KCMF1: variants seen among roughly 807,000 people sequenced by gnomAD.
KCMF1 encodes potassium channel modulatory factor 1.
Under a neutral mutation model 41.1 loss-of-function variants are expected in KCMF1, and 3 were observed. That is an observed-to-expected ratio of 0.07 (90% CI 0.03 to 0.19). The LOEUF (loss-of-function observed/expected upper bound fraction) is 0.19, where lower values mean the gene tolerates loss of function less well. Ranked by LOEUF, KCMF1 falls within the 10% of genes least tolerant of loss-of-function variation. The pLI is 1.00. For synonymous variants in KCMF1, 142 were observed against 164.5 expected, an observed-to-expected ratio of 0.86 and a Z score of 1.04; for missense variants, 286 against 488.9, an observed-to-expected ratio of 0.58 and a Z score of 3.91.
intron 3 of KCMF1, among the ~76,000 whole-genome samples, chr2:85,036,217 G>A (rs188537654): frequency 6.6e-5 from 10 of 152,312 alleles, no homozygotes; most frequent in Admixed American, 2.0e-4. Context: ...GCCAAATTTT[G>A]CTGTCTTAAC....
At chr2:85,003,934 AT>A (rs1035025189) in intron 1 of KCMF1, among the ~76,000 whole-genome samples, 95 of 152,082 alleles carry the variant, frequency 6.2e-4, no homozygotes, top group Non-Finnish European at 2.6e-4. Context: ...GAGGGGGGAC[AT>A]TTTTCCAAGA....
chr2:85,035,089 G>A lies in KCMF1; in HGVS notation c.258G>A (p.Met86Ile), dbSNP rs368683265. The change falls in exon 3 of 7, where the codon ATG becomes ATA. Residue 86 changes from methionine to isoleucine, a missense_variant. Met to Ile is a conservative substitution (Grantham distance 10, BLOSUM62 1). Coordinates refer to ENST00000409785, the MANE Select transcript of KCMF1 (RefSeq NM_020122.5). The part of the protein sequence containing the change: ...QSFTCPYCGK[M>I]GYTETSLQEH... Reference sequence around the variant, plus strand: ...TTACTTGTCCCTATTGTGGAAAAATGGGCTATACGGAGACATCTCTTCAAG... The same window carrying A: ...TTACTTGTCCCTATTGTGGAAAAATAGGCTATACGGAGACATCTCTTCAAG... 6.2e-7 allele frequency: 1 copy of A among 1,613,198 alleles called. No homozygotes were observed.
intron 1 of KCMF1, among the ~76,000 whole-genome samples, chr2:84,992,890 G>C (rs373949124): frequency 6.6e-6 from 1 of 152,136 alleles, no homozygotes; most frequent in Admixed American, 6.5e-5. Flanking sequence ...AAAGTGCTGA[G>C]ATTACAGCAT....
chr2:85,048,055 G>T (rs895840206), intron 5 of KCMF1, among the ~76,000 whole-genome samples: 4 of 152,086 alleles, frequency 2.6e-5, no homozygotes, highest in Non-Finnish European at 5.9e-5. Context: ...AACCCTCGTG[G>T]CAGGTGTTTA....
chr2:85,035,590 C>T (rs1675386828), intron 3 of KCMF1, among the ~76,000 whole-genome samples: 1 of 152,178 alleles, frequency 6.6e-6, no homozygotes, highest in Non-Finnish European at 1.5e-5. Flanking sequence ...TGTAGCATAT[C>T]GCTGATCTTA....
intron 1 of KCMF1, chr2:84,971,815 C>G (rs1673403111): frequency 6.5e-6 from 1 of 152,974 alleles, no homozygotes; most frequent in African/African-American, 2.4e-5. Context: ...CCGGCCGGTT[C>G]AGGAGCCGCG....
At chr2:85,041,225 C>T (rs1675525987) in intron 3 of KCMF1, among the ~76,000 whole-genome samples, 2 of 152,176 alleles carry the variant, frequency 1.3e-5, no homozygotes, top group Admixed American at 1.3e-4. Context: ...TGAATACCTT[C>T]ATCCTGCCAT....
At chr2:85,031,091 G>C (rs1389998793) in intron 2 of KCMF1, among the ~76,000 whole-genome samples, 1 of 152,068 alleles carries the variant, frequency 6.6e-6, no homozygotes, top group African/African-American at 2.4e-5. Flanking sequence ...TTCCAACTTT[G>C]TTCTTTTTCA....
chr2:85,035,280 T>TA, intron 3 of KCMF1, 125 bp downstream of exon 3: 1 of 888,538 alleles, frequency 1.1e-6, no homozygotes, highest in Non-Finnish European at 1.6e-6. Context: ...GCATAGTTAT[T>TA]AAAATCATCT....
intron 5 of KCMF1, 80 bp downstream of exon 5, chr2:85,046,358 G>A (rs1042278355): frequency 1.3e-5 from 14 of 1,101,114 alleles, no homozygotes; most frequent in East Asian, 5.1e-5. Flanking sequence ...TGCCAGGTGC[G>A]GTGGCTCACA....
intron 1 of KCMF1, among the ~76,000 whole-genome samples, chr2:84,993,907 GTTTTGTTTT>G: frequency 9.6e-4 from 1 of 1,046 alleles, no homozygotes; most frequent in Admixed American, 0.017. Flanking sequence ...AACATTTTTT[GTTTTGTTTT>G]GTTTTGTTTT....
At chr2:85,022,406 C>T (rs1201908835) in intron 1 of KCMF1, among the ~76,000 whole-genome samples, 1 of 151,970 alleles carries the variant, frequency 6.6e-6, no homozygotes, top group African/African-American at 2.4e-5. Context: ...TCCAGGAGGT[C>T]GAGGCTGTAG....
At chr2:85,004,887 G>A (rs1205402814) in intron 1 of KCMF1, among the ~76,000 whole-genome samples, 1 of 151,976 alleles carries the variant, frequency 6.6e-6, no homozygotes, top group Non-Finnish European at 1.5e-5. Context: ...CCAGGCTGGA[G>A]TGCAGTGGCA....
At chr2:84,993,048 A>G (rs533120106) in intron 1 of KCMF1, among the ~76,000 whole-genome samples, 1 of 151,732 alleles carries the variant, frequency 6.6e-6, no homozygotes, top group African/African-American at 2.4e-5. Context: ...TAAGCCGGGC[A>G]TGGTGGCACA....
chr2:85,014,881 C>A (rs1013434853), intron 1 of KCMF1, among the ~76,000 whole-genome samples: 3 of 151,578 alleles, frequency 2.0e-5, no homozygotes, highest in African/African-American at 7.3e-5. Flanking sequence ...CCACTAACCA[C>A]CCTATTGCAT....
intron 1 of KCMF1, among the ~76,000 whole-genome samples, chr2:84,986,559 A>T (rs978182793): frequency 6.6e-6 from 1 of 152,100 alleles, no homozygotes; most frequent in African/African-American, 2.4e-5. Flanking sequence ...AGACTCCCGT[A>T]TGTTAGCAGG....
At chr2:85,006,776 A>C (rs773770550) in intron 1 of KCMF1, among the ~76,000 whole-genome samples, 41 of 152,040 alleles carry the variant, frequency 2.7e-4, no homozygotes, top group Admixed American at 1.2e-3. Flanking sequence ...TAAAAAGAGA[A>C]TAAAACCAAC....
chr2:84,971,429 G>T lies in KCMF1; in HGVS notation c.-23G>T. The T allele has an allele frequency of 8.1e-7, 1 of 1,237,728 alleles. No individual in the cohort carries two copies. Among genetic ancestry groups the T allele is most frequent in the Non-Finnish European group, 1.0e-6 (1 of 970,332 alleles). 76.7% of individuals were successfully genotyped at this position (1,237,728 alleles called of 1,614,324 possible). A position where few individuals can be genotyped will look rare whatever the true frequency, so the allele number is the denominator to read the frequency against. On this transcript the variant is annotated 5_prime_UTR_variant, in exon 1 of 7. Transcript: ENST00000409785. The stretch of plus-strand genomic sequence containing the variant: ...CTGCAGCCGGAGCCCGGGAGGGGCC[G>T]CGCCGCCACCGTCTGAACTAGGATG...
chr2:84,992,325 G>T (rs1349731955), intron 1 of KCMF1, among the ~76,000 whole-genome samples: 1 of 151,922 alleles, frequency 6.6e-6, no homozygotes, highest in African/African-American at 2.4e-5. Context: ...GCGCGATCTC[G>T]GCTCACTGCA....
Sources: gnomAD v4.1 joint callset for allele counts (sites outside exome capture counted in the v4.1 genomes callset) on GRCh38, gnomAD v4.1.1 for gene constraint, MANE v1.5 for transcripts, NCBI Gene and HGNC (gene_info 2026-07-23, HGNC 2026-07-21) for gene names.